TPH2: variants seen among roughly 807,000 people sequenced by gnomAD.
The protein encoded by TPH2 is tryptophan 5-hydroxylase 2.
A neutral mutation model predicts 59.1 loss-of-function variants in TPH2; 27 were observed. That is an observed-to-expected ratio of 0.46 (90% CI 0.34 to 0.63). The LOEUF is 0.63. Ranked by LOEUF, TPH2 falls within the 30% of genes least tolerant of loss-of-function variation. TPH2 has a pLI of 0.01. For missense variants in TPH2, 523 were observed against 588.3 expected, an observed-to-expected ratio of 0.89 and a Z score of 1.15; for synonymous variants, 220 against 210.5, an observed-to-expected ratio of 1.05 and a Z score of -0.39.
intron 7 of TPH2, among the ~76,000 whole-genome samples, chr12:71,984,721 T>A (rs2139213703): frequency 6.6e-6 from 1 of 152,342 alleles, no homozygotes; most frequent in Admixed American, 6.5e-5. Flanking sequence ...CCATTCTTGC[T>A]GCTCAGGATT....
intron 4 of TPH2, among the ~76,000 whole-genome samples, chr12:71,944,899 T>G (rs1871161381): frequency 6.6e-6 from 1 of 152,216 alleles, no homozygotes; most frequent in Non-Finnish European, 1.5e-5. Context: ...ATAGCATTTA[T>G]TTTTAAAAGG....
intron 2 of TPH2, among the ~76,000 whole-genome samples, chr12:71,942,891 CA>C (rs1871111251): frequency 1.3e-5 from 2 of 152,204 alleles, no homozygotes; most frequent in South Asian, 4.1e-4. Flanking sequence ...GTGCCAACGG[CA>C]GGCCAATTCA....
At chr12:71,987,236 G>A (rs111996954) in intron 7 of TPH2, among the ~76,000 whole-genome samples, 7 of 152,170 alleles carry the variant, frequency 4.6e-5, no homozygotes, top group Admixed American at 6.5e-5. Context: ...CCATACTTGA[G>A]TTTCACTTGG....
chr12:72,020,825 G>C (rs957041566), intron 8 of TPH2, among the ~76,000 whole-genome samples: 17 of 151,922 alleles, frequency 1.1e-4, no homozygotes, highest in African/African-American at 3.9e-4. Flanking sequence ...GGTGAATCAG[G>C]AAAAAAAATT....
intron 5 of TPH2, among the ~76,000 whole-genome samples, chr12:71,968,868 T>C (rs1207048388): frequency 6.6e-6 from 1 of 152,214 alleles, no homozygotes; most frequent in East Asian, 1.9e-4. Flanking sequence ...CTTCAGCTGC[T>C]GGGGAATTTC....
chr12:72,001,428 CTTT>C (rs529030879), intron 8 of TPH2, among the ~76,000 whole-genome samples: 2 of 140,978 alleles, frequency 1.4e-5, no homozygotes, highest in Non-Finnish European at 3.1e-5. Flanking sequence ...GCTTTGTGTT[CTTT>C]TTTTTTTTTT....
Position 71,962,248 on chromosome 12 carries a change from G to A in TPH2, c.609-10271G>A, listed in dbSNP as rs573738719. On this transcript the variant is annotated intron_variant, in intron 5 of 10. Coordinates refer to ENST00000333850, the MANE Select transcript of TPH2 (RefSeq NM_173353.4). ...GTTAAGTTGCTGTACTGATTTGTGA[G>A]TTTTTGTTTGTAAAAAAATATTATT... 389 of 985,410 alleles carry A rather than the reference G, an allele frequency of 3.9e-4. 8 individuals carry two copies. The South Asian group carries it at 0.016, about 40-fold the overall frequency. 61.0% of individuals were successfully genotyped at this position (985,410 alleles called of 1,614,324 possible).
At chr12:72,025,449 G>A (rs1487023587) in intron 9 of TPH2, among the ~76,000 whole-genome samples, 1 of 152,152 alleles carries the variant, frequency 6.6e-6, no homozygotes, top group African/African-American at 2.4e-5. Flanking sequence ...GTTCTTTAGA[G>A]CTGGCCAAGT....
chr12:72,020,436 G>T (rs2139243301), intron 8 of TPH2, among the ~76,000 whole-genome samples: 1 of 152,288 alleles, frequency 6.6e-6, no homozygotes, highest in African/African-American at 2.4e-5. Context: ...GAGTAAGGAG[G>T]AGTGGTAGTA....
At chr12:71,944,266 T>C (rs1871145017) in intron 2 of TPH2, 28 bp from the exon 3 acceptor site, 2 of 1,613,118 alleles carry the variant, frequency 1.2e-6, no homozygotes, top group African/African-American at 2.7e-5. Context: ...TCCCTGAAGG[T>C]GATTTTCAGA....
At chr12:71,990,229 G>T (rs889792395) in intron 7 of TPH2, among the ~76,000 whole-genome samples, 10 of 152,096 alleles carry the variant, frequency 6.6e-5, no homozygotes, top group African/African-American at 2.4e-4. Context: ...AACTCACATC[G>T]GGAACCTGTT....
chr12:71,968,357 G>A (rs780065728), intron 5 of TPH2, among the ~76,000 whole-genome samples: 2 of 152,328 alleles, frequency 1.3e-5, no homozygotes, highest in East Asian at 1.9e-4. Flanking sequence ...ACTGGATGGC[G>A]TGGGACTTTT....
Position 72,000,334 on chromosome 12 carries a change from C to T in TPH2, c.1068+5769C>T, listed in dbSNP as rs559788892. On this transcript the variant is annotated intron_variant, in intron 8 of 10. Transcript: ENST00000333850. ...TCAGTCTTCACAAATTAACATTGAA[C>T]TTTACAGTCTGTGGACCCTAATCAA... Among the ~76,000 whole-genome samples, 3 of 152,312 alleles carry T rather than the reference C, an allele frequency of 2.0e-5. No homozygotes were observed. In the East Asian group the frequency reaches 5.8e-4, roughly 29 times the overall value.
chr12:72,018,324 A>G (rs1240113532), intron 8 of TPH2, among the ~76,000 whole-genome samples: 1 of 152,212 alleles, frequency 6.6e-6, no homozygotes, highest in Non-Finnish European at 1.5e-5. Context: ...CTCTGATTCT[A>G]GAAGCACATT....
At chr12:71,964,758 T>C (rs144640055) in intron 5 of TPH2, 10 of 985,344 alleles carry the variant, frequency 1.0e-5, no homozygotes, top group African/African-American at 8.7e-5. Context: ...TAAGAGTTAA[T>C]TATAAATTTT....
At chr12:72,020,246 T>C (rs1036730247) in intron 8 of TPH2, among the ~76,000 whole-genome samples, 7 of 152,326 alleles carry the variant, frequency 4.6e-5, no homozygotes, top group Non-Finnish European at 7.4e-5. Flanking sequence ...CACAATTATG[T>C]AGCCTAAAAT....
chr12:72,006,213 G>T (rs1016821419), intron 8 of TPH2, among the ~76,000 whole-genome samples: 4 of 152,120 alleles, frequency 2.6e-5, no homozygotes, highest in Non-Finnish European at 4.4e-5. Context: ...GCTGGATGAG[G>T]TTAAAGAGAA....
intron 4 of TPH2, among the ~76,000 whole-genome samples, chr12:71,948,853 AG>A (rs1487547676): frequency 6.6e-6 from 1 of 150,702 alleles, no homozygotes; most frequent in Non-Finnish European, 1.5e-5. Flanking sequence ...TGTTGACAAG[AG>A]GAGAGATTTT....
intron 8 of TPH2, among the ~76,000 whole-genome samples, chr12:72,003,506 G>C (rs1017602923): frequency 6.6e-6 from 1 of 152,132 alleles, no homozygotes; most frequent in Admixed American, 6.5e-5. Flanking sequence ...TAGTCACATA[G>C]ACCTTAACTT....
Sources: gnomAD v4.1 joint callset for allele counts (sites outside exome capture counted in the v4.1 genomes callset) on GRCh38, gnomAD v4.1.1 for gene constraint, MANE v1.5 for transcripts, NCBI Gene and HGNC (gene_info 2026-07-23, HGNC 2026-07-21) for gene names.